ASIC2: variants seen among roughly 807,000 people sequenced by gnomAD.
ASIC2 encodes acid-sensing ion channel 2.
ASIC2 carries 25 observed loss-of-function variants against 57.3 expected under a neutral mutation model. The observed-to-expected ratio is 0.44, with a 90% CI of 0.32 to 0.61. The LOEUF is 0.61. Ranked by LOEUF, ASIC2 falls within the 20% of genes least tolerant of loss-of-function variation. The pLI, the probability that ASIC2 is intolerant of heterozygous loss-of-function variation, is 0.06. For synonymous variants in ASIC2, 319 were observed against 307.5 expected (o/e 1.04, Z -0.39); for missense variants, 641 against 738.1 (o/e 0.87, Z 1.52).
chr17:33,808,842 C>T (rs577188839), intron 1 of ASIC2, among the ~76,000 whole-genome samples: 2 of 152,312 alleles, frequency 1.3e-5, no homozygotes, highest in African/African-American at 4.8e-5. Context: ...GGCCACTTTC[C>T]CTGACCCCTA....
At chr17:34,140,509 A>G (rs1482782870) in intron 1 of ASIC2, among the ~76,000 whole-genome samples, 1 of 152,188 alleles carries the variant, frequency 6.6e-6, no homozygotes, top group Non-Finnish European at 1.5e-5. Flanking sequence ...GTTCAAATGA[A>G]CCAAGATTTG....
At chr17:33,925,771 C>A (rs895385637) in intron 1 of ASIC2, among the ~76,000 whole-genome samples, 2 of 152,170 alleles carry the variant, frequency 1.3e-5, no homozygotes, top group Admixed American at 6.5e-5. Context: ...CATTCTTGTG[C>A]CCATGGTATG....
At chr17:33,227,100 C>T (rs1022841884) in intron 1 of ASIC2, among the ~76,000 whole-genome samples, 1 of 152,074 alleles carries the variant, frequency 6.6e-6, no homozygotes, top group African/African-American at 2.4e-5. Flanking sequence ...TTGAAGTATT[C>T]AGTAGCCACA....
At chr17:33,281,678 T>C (rs1354688880) in intron 1 of ASIC2, among the ~76,000 whole-genome samples, 1 of 152,232 alleles carries the variant, frequency 6.6e-6, no homozygotes, top group Admixed American at 6.5e-5. Flanking sequence ...TTTCTGTAGC[T>C]ACATGAGGAA....
At chr17:33,233,480 C>A (rs1180511950) in intron 1 of ASIC2, among the ~76,000 whole-genome samples, 4 of 151,068 alleles carry the variant, frequency 2.6e-5, no homozygotes, top group Non-Finnish European at 5.9e-5. Context: ...AATTTAAAAA[C>A]TGAAATGACA....
chr17:33,739,983 G>GA (rs1910056126), intron 1 of ASIC2, among the ~76,000 whole-genome samples: 2 of 141,996 alleles, frequency 1.4e-5, no homozygotes, highest in Non-Finnish European at 3.1e-5. Flanking sequence ...AAGAAAGAAA[G>GA]AAAAAAGAAA....
chr17:33,367,467 T>TGCTCCACAGCTAAGACAA (rs1908857026), intron 1 of ASIC2, among the ~76,000 whole-genome samples: 2 of 152,240 alleles, frequency 1.3e-5, no homozygotes, highest in South Asian at 4.1e-4. Context: ...AGATACAAAA[T>TGCTCCACAGCTAAGACAA]GCTCCACAGC....
At chr17:33,886,753 A>G (rs1186802057) in intron 1 of ASIC2, among the ~76,000 whole-genome samples, 1 of 151,704 alleles carries the variant, frequency 6.6e-6, no homozygotes, top group Non-Finnish European at 1.5e-5. Flanking sequence ...AAAAAAATGG[A>G]GTAAATCCTT....
At chr17:33,842,159 G>C (rs1913457054) in intron 1 of ASIC2, among the ~76,000 whole-genome samples, 1 of 152,164 alleles carries the variant, frequency 6.6e-6, no homozygotes, top group Admixed American at 6.5e-5. Flanking sequence ...CAAACAACAT[G>C]CAGTTTATAC....
At chr17:33,650,965 G>A (rs1906900565) in intron 1 of ASIC2, among the ~76,000 whole-genome samples, 1 of 152,158 alleles carries the variant, frequency 6.6e-6, no homozygotes, top group African/African-American at 2.4e-5. Context: ...TTTGCAAGAT[G>A]TTACCATTAG....
At chr17:33,743,592 T>C (rs932876812) in intron 1 of ASIC2, among the ~76,000 whole-genome samples, 2 of 152,254 alleles carry the variant, frequency 1.3e-5, no homozygotes, top group African/African-American at 2.4e-5. Context: ...GAGCCTCCTC[T>C]GACCAGTTAT....
intron 1 of ASIC2, among the ~76,000 whole-genome samples, chr17:33,862,300 T>C (rs887853297): frequency 2.0e-5 from 3 of 152,236 alleles, no homozygotes; most frequent in Non-Finnish European, 2.9e-5. Flanking sequence ...GACCAGAGAA[T>C]AGACAGTTGC....
rs147580767 is a variant in ASIC2, at chr17:33,930,126, T to C, written c.555+225852A>G. 5.1e-3 allele frequency among the ~76,000 whole-genome samples: 784 copies of C among 152,340 alleles called. 10 individuals are homozygous for C. The highest frequency in any genetic ancestry group is 0.017 in the African/African-American group (706 of 41,586). ...TTGCAGCAAGTAATAGTAATAGAAGTCTGAAAGTCTGTTAGGTAACCGAGG... is the reference window on the plus strand; with the variant it reads ...TTGCAGCAAGTAATAGTAATAGAAGCCTGAAAGTCTGTTAGGTAACCGAGG... On this transcript the variant is annotated intron_variant, in intron 1 of 9. Transcript: ENST00000359872.
intron 1 of ASIC2, among the ~76,000 whole-genome samples, chr17:33,880,512 A>G (rs113366517): frequency 1.3e-5 from 2 of 152,222 alleles, no homozygotes; most frequent in Non-Finnish European, 2.9e-5. Context: ...TCTAGAAGAA[A>G]TGGATAAATT....
intron 1 of ASIC2, among the ~76,000 whole-genome samples, chr17:33,926,755 C>T (rs1915829780): frequency 6.6e-6 from 1 of 152,210 alleles, no homozygotes; most frequent in Non-Finnish European, 1.5e-5. Flanking sequence ...AGTAGCATCA[C>T]CAGAATACCT....
At position 33,464,697 on chromosome 17, in the gene ASIC2, A is replaced by ATATATATT. The variant is rs1331716193; in HGVS notation, c.556-352631_556-352630insAATATATA. ...TCTCTCTCTCTCTCTCTATATATAT[A>ATATATATT]TATATATGTATATATATGTATATAA... On this transcript the variant is annotated intron_variant, in intron 1 of 9. Transcript: ENST00000359872. Among the ~76,000 whole-genome samples the ATATATATT allele has an allele frequency of 4.9e-3, 673 of 137,180 alleles. 9 individuals are homozygous for ATATATATT. Among genetic ancestry groups the ATATATATT allele is most frequent in the African/African-American group, 0.015 (556 of 35,990 alleles). The allele number at this position is 137,180 out of a possible 152,430, so 90.0% of individuals were successfully genotyped here. A position where few individuals can be genotyped will look rare whatever the true frequency, so the allele number is the denominator to read the frequency against.
intron 1 of ASIC2, among the ~76,000 whole-genome samples, chr17:34,101,406 T>G (rs886955385): frequency 6.6e-6 from 1 of 152,196 alleles, no homozygotes; most frequent in Non-Finnish European, 1.5e-5. Context: ...CAGTACTTTT[T>G]CTGCTTACCA....
chr17:33,196,362 T>C (rs1906629392), intron 1 of ASIC2, among the ~76,000 whole-genome samples: 1 of 152,082 alleles, frequency 6.6e-6, no homozygotes, highest in Non-Finnish European at 1.5e-5. Context: ...TCTAGAAGAA[T>C]GTCAAGGTAA....
At chr17:33,651,862 T>G (rs1906930794) in intron 1 of ASIC2, among the ~76,000 whole-genome samples, 1 of 151,880 alleles carries the variant, frequency 6.6e-6, no homozygotes, top group Non-Finnish European at 1.5e-5. Context: ...CAAAAGAGAG[T>G]GAGGTGGAGA....
Sources: allele counts gnomAD v4.1 joint callset (sites outside exome capture counted in the v4.1 genomes callset), GRCh38; gene constraint gnomAD v4.1.1; transcripts MANE v1.5; gene names NCBI Gene and HGNC (gene_info 2026-07-23, HGNC 2026-07-21).